RLN2: variants seen among roughly 807,000 people sequenced by gnomAD.
The protein encoded by RLN2 is prorelaxin H2.
Under a neutral mutation model 7.3 loss-of-function variants are expected in RLN2, and 10 were observed. That is an observed-to-expected ratio of 1.36 (90% CI 0.84 to 2.31). The LOEUF (loss-of-function observed/expected upper bound fraction) is 2.31. Ranked by LOEUF, RLN2 falls within the 30% of genes most tolerant of loss-of-function variation. The probability of loss-of-function intolerance (pLI) is 0.00; values close to 1 mark genes in which losing one functional copy is unlikely to be tolerated. For synonymous variants in RLN2, 103 were observed against 82.3 expected (o/e 1.25, Z -1.36); for missense variants, 298 against 217.6 (o/e 1.37, Z -2.32).
At chr9:5,320,801 C>T in the RLN2 span, among the ~76,000 whole-genome samples, 9 of 152,074 alleles carry the variant, frequency 5.9e-5, no homozygotes, top group African/African-American at 2.2e-4. Context: ...GCACACAAAC[C>T]TGGAAGAAAG....
chr9:5,307,945 C>T (rs1816283978), upstream of RLN2, among the ~76,000 whole-genome samples: 1 of 151,954 alleles, frequency 6.6e-6, no homozygotes, highest in South Asian at 2.1e-4. Flanking sequence ...GTATTTTCTA[C>T]AAAATTCTTA....
the RLN2 span, among the ~76,000 whole-genome samples, chr9:5,324,088 G>C: frequency 6.6e-6 from 1 of 151,794 alleles, no homozygotes; most frequent in African/African-American, 2.4e-5. Context: ...ATTCCAATCA[G>C]CTCTTAAGGT....
At chr9:5,325,607 T>C in the RLN2 span, among the ~76,000 whole-genome samples, 1 of 151,984 alleles carries the variant, frequency 6.6e-6, no homozygotes, top group Non-Finnish European at 1.5e-5. Context: ...CAGGAAGACT[T>C]GGTCTCAAAA....
chr9:5,327,998 C>A, the RLN2 span, among the ~76,000 whole-genome samples: 1 of 151,866 alleles, frequency 6.6e-6, no homozygotes, highest in African/African-American at 2.4e-5. Flanking sequence ...AAACAGAGCA[C>A]CACTTCTCCA....
Position 5,304,563 on chromosome 9 carries a change from A to C in RLN2, c.18T>G (p.Phe6Leu), listed in dbSNP as rs764578089. 1.8e-4 allele frequency: 297 copies of C among 1,613,218 alleles called. No individual in the cohort carries two copies. The highest frequency in any genetic ancestry group is 9.2e-4 in the East Asian group (41 of 44,794). Residue 6 changes from phenylalanine to leucine, a missense_variant, in exon 1 of 2, where the codon TTT becomes TTG. Coordinates refer to ENST00000381627, the MANE Select transcript of RLN2 (RefSeq NM_134441.3). The stretch of plus-strand genomic sequence containing the variant: ...GTAAACAGACTCCTAGCAGGTGGAA[A>C]AAAAACAGGCGAGGCATCCTGGGCC... MPRLF[F>L]FHLLGVCLLL...
At chr9:5,307,768 C>T (rs1373248160), upstream of RLN2, among the ~76,000 whole-genome samples, 1 of 152,068 alleles carries the variant, frequency 6.6e-6, no homozygotes, top group African/African-American at 2.4e-5. Context: ...CTCTGAGCTT[C>T]TACAGCCCCA....
chr9:5,301,339 C>G (rs1459124668), intron 1 of RLN2, among the ~76,000 whole-genome samples: 1 of 152,166 alleles, frequency 6.6e-6, no homozygotes, highest in African/African-American at 2.4e-5. Flanking sequence ...CATCTTTGCA[C>G]CCATTCAGCT....
chr9:5,337,119 G>C, the RLN2 span, among the ~76,000 whole-genome samples: 7 of 151,990 alleles, frequency 4.6e-5, no homozygotes, highest in African/African-American at 7.3e-5. Flanking sequence ...TTAAATGACA[G>C]GTTTTGGCAT....
the RLN2 span, among the ~76,000 whole-genome samples, chr9:5,321,550 G>C: frequency 6.6e-6 from 1 of 151,724 alleles, no homozygotes; most frequent in Non-Finnish European, 1.5e-5. Flanking sequence ...CCTTAGATAA[G>C]TGTTAATCAA....
At chr9:5,324,964 C>G in the RLN2 span, among the ~76,000 whole-genome samples, 1 of 151,920 alleles carries the variant, frequency 6.6e-6, no homozygotes, top group Non-Finnish European at 1.5e-5. Flanking sequence ...TTTGCAAATT[C>G]ATGCCTAAGT....
the RLN2 span, among the ~76,000 whole-genome samples, chr9:5,313,228 TTG>T: frequency 6.6e-6 from 1 of 152,076 alleles, no homozygotes; most frequent in Non-Finnish European, 1.5e-5. Flanking sequence ...CTATTAATAT[TTG>T]TGTTATGAAT....
the RLN2 span, among the ~76,000 whole-genome samples, chr9:5,318,539 CT>C: frequency 2.6e-5 from 4 of 151,800 alleles, no homozygotes; most frequent in Non-Finnish European, 5.9e-5. Context: ...GAAGTTTATT[CT>C]ATAATTTAGT....
chr9:5,328,740 G>A, the RLN2 span, among the ~76,000 whole-genome samples: 2 of 146,260 alleles, frequency 1.4e-5, no homozygotes, highest in African/African-American at 5.2e-5. Flanking sequence ...AGCCAGAGGA[G>A]AGCGGGGGCC....
chr9:5,300,539 T>A lies in RLN2; in HGVS notation c.212-95A>T. 4 of 776,016 alleles carry A rather than the reference T, an allele frequency of 5.2e-6. No homozygotes were observed. The South Asian group carries it at 5.5e-5, about 11-fold the overall frequency. The allele number at this position is 776,016 out of a possible 1,614,324, so 48.1% of individuals were successfully genotyped here. On this transcript the variant is annotated intron_variant, in intron 1 of 1. Transcript: ENST00000381627. ...AATGTTTGCATAGACAAAAAAGCAT[T>A]GCCTCAGTATAAATTAAACATTGAA...
At chr9:5,308,752 T>A (rs1816297635), upstream of RLN2, among the ~76,000 whole-genome samples, 1 of 152,102 alleles carries the variant, frequency 6.6e-6, no homozygotes, top group African/African-American at 2.4e-5. Context: ...GTTTCCTCCC[T>A]CACTCTGCTC....
the RLN2 span, among the ~76,000 whole-genome samples, chr9:5,329,567 C>T: frequency 8.6e-6 from 1 of 116,376 alleles, no homozygotes; most frequent in Non-Finnish European, 1.7e-5. Flanking sequence ...GGAAGATCTA[C>T]CAAGGAAACG....
chr9:5,339,232 C>T, the RLN2 span: 1 of 237,580 alleles, frequency 4.2e-6, no homozygotes, highest in Non-Finnish European at 7.3e-6. Context: ...CTTCCCCTCC[C>T]TTTCCACCCC....
At chr9:5,307,360 A>T (rs1816275318), upstream of RLN2, among the ~76,000 whole-genome samples, 1 of 151,940 alleles carries the variant, frequency 6.6e-6, no homozygotes, top group Non-Finnish European at 1.5e-5. Flanking sequence ...ATACATTTTT[A>T]TTAAGAAATA....
At chr9:5,332,912 C>T in the RLN2 span, among the ~76,000 whole-genome samples, 9 of 151,996 alleles carry the variant, frequency 5.9e-5, no homozygotes, top group African/African-American at 1.4e-4. Flanking sequence ...CCACCGCGCC[C>T]GGCCATGATT....
Sources: allele counts gnomAD v4.1 joint callset (sites outside exome capture counted in the v4.1 genomes callset), GRCh38; gene constraint gnomAD v4.1.1; transcripts MANE v1.5; gene names NCBI Gene and HGNC (gene_info 2026-07-23, HGNC 2026-07-21).